Variants in ATRNL1 observed in about 807,000 individuals in gnomAD.
ATRNL1 encodes the protein attractin like 1, also known as attractin-like protein 1.
In ATRNL1, 95 loss-of-function variants were observed where a neutral mutation model predicts 182.7. The ratio of observed to expected loss-of-function variants is 0.52; its 90% CI spans 0.44 to 0.62. The LOEUF (loss-of-function observed/expected upper bound fraction) is 0.62, where lower values mean the gene tolerates loss of function less well. Among genes scored for constraint, ATRNL1 ranks in the 20% least tolerant of loss-of-function variants. ATRNL1 has a pLI of 0.00. For missense variants in ATRNL1, 1,471 were observed against 1,679.5 expected, an observed-to-expected ratio of 0.88 and a Z score of 2.17; for synonymous variants, 576 against 568.3, an observed-to-expected ratio of 1.01 and a Z score of -0.19.
intron 15 of ATRNL1, among the ~76,000 whole-genome samples, chr10:115,288,088 C>A (rs1175026728): frequency 2.0e-5 from 3 of 152,052 alleles, no homozygotes; most frequent in African/African-American, 4.8e-5. Flanking sequence ...AATATTATCC[C>A]CTTACTTATA....
At chr10:115,304,523 C>T (rs1853631444) in intron 17 of ATRNL1, among the ~76,000 whole-genome samples, 1 of 152,120 alleles carries the variant, frequency 6.6e-6, no homozygotes, top group Non-Finnish European at 1.5e-5. Flanking sequence ...GCAGAAGGTT[C>T]GCTCTTACAG....
At chr10:115,206,260 A>T (rs1848791730) in intron 8 of ATRNL1, among the ~76,000 whole-genome samples, 1 of 152,138 alleles carries the variant, frequency 6.6e-6, no homozygotes, top group South Asian at 2.1e-4. Flanking sequence ...TTTATTTTTC[A>T]ACAGTTTAAT....
chr10:115,686,694 T>G (rs1946228948), intron 26 of ATRNL1, among the ~76,000 whole-genome samples: 1 of 151,922 alleles, frequency 6.6e-6, no homozygotes, highest in South Asian at 2.1e-4. Context: ...TTTTAAGGAG[T>G]CATGTTTCAA....
chr10:115,484,159 C>A (rs782082961), intron 24 of ATRNL1, among the ~76,000 whole-genome samples: 4 of 149,762 alleles, frequency 2.7e-5, no homozygotes, highest in Admixed American at 6.7e-5. Flanking sequence ...AGATCTTTTT[C>A]ATATCTTTTA....
At chr10:115,442,305 G>C (rs703356) in intron 21 of ATRNL1, among the ~76,000 whole-genome samples, 13,380 of 51,214 alleles carry the variant, frequency 0.26, 669 homozygotes, top group African/African-American at 0.33. Flanking sequence ...CTCTCTCTCT[G>C]TGTGTATGTG....
At chr10:115,517,875 A>G (rs10885728) in intron 24 of ATRNL1, among the ~76,000 whole-genome samples, 107,603 of 151,586 alleles carry the variant, frequency 0.71, 39,399 homozygotes, top group African/African-American at 0.82. Context: ...AAGAAAATTC[A>G]TTCTTTTAAA....
intron 27 of ATRNL1, among the ~76,000 whole-genome samples, chr10:115,754,685 G>A (rs897978584): frequency 1.3e-5 from 2 of 152,172 alleles, no homozygotes; most frequent in Non-Finnish European, 2.9e-5. Context: ...CTTTAAAGTA[G>A]TGTTTTCCAA....
chr10:115,829,311 A>T (rs2134306161), intron 27 of ATRNL1, among the ~76,000 whole-genome samples: 1 of 152,288 alleles, frequency 6.6e-6, no homozygotes, highest in Middle Eastern at 3.4e-3. Context: ...GAAGACCAGT[A>T]GAGCAGACCA....
chr10:115,423,627 C>T (rs782801945), intron 20 of ATRNL1, among the ~76,000 whole-genome samples: 4 of 152,052 alleles, frequency 2.6e-5, no homozygotes, highest in Non-Finnish European at 4.4e-5. Context: ...AATAAATACA[C>T]GCATGTATAC....
intron 5 of ATRNL1, among the ~76,000 whole-genome samples, chr10:115,147,729 G>A (rs1207679520): frequency 1.3e-5 from 2 of 151,968 alleles, no homozygotes; most frequent in Non-Finnish European, 2.9e-5. Flanking sequence ...AAGAGACTGT[G>A]CTTTCTCCAA....
intron 4 of ATRNL1, among the ~76,000 whole-genome samples, chr10:115,128,782 G>A (rs571490260): frequency 9.5e-5 from 14 of 148,088 alleles, no homozygotes; most frequent in African/African-American, 2.8e-4. Flanking sequence ...AGCCGAGATC[G>A]CACCACTGCA....
At chr10:115,299,708 TAA>T (rs79687511) in intron 15 of ATRNL1, among the ~76,000 whole-genome samples, 40,863 of 151,884 alleles carry the variant, frequency 0.27, 6,583 homozygotes, top group East Asian at 0.67. Context: ...AACAATATGT[TAA>T]GTTTTTAAAT....
At chr10:115,455,316 C>A (rs1592682915) in intron 21 of ATRNL1, among the ~76,000 whole-genome samples, 1 of 151,980 alleles carries the variant, frequency 6.6e-6, no homozygotes, top group East Asian at 1.9e-4. Context: ...GAACAGAGGC[C>A]TCAGAAATAA....
intron 28 of ATRNL1, among the ~76,000 whole-genome samples, chr10:115,897,824 C>T (rs1455173541): frequency 6.6e-6 from 1 of 152,150 alleles, no homozygotes; most frequent in Non-Finnish European, 1.5e-5. Context: ...AAATTTGTTT[C>T]TTCTTTGTTT....
chr10:115,467,890 T>C (rs1848126600), intron 23 of ATRNL1, among the ~76,000 whole-genome samples: 2 of 150,782 alleles, frequency 1.3e-5, no homozygotes, highest in African/African-American at 2.4e-5. Flanking sequence ...ATTTTATTGG[T>C]ATCTATTTTC....
chr10:115,288,120 A>AT (rs1209559085), intron 15 of ATRNL1, among the ~76,000 whole-genome samples: 1 of 151,286 alleles, frequency 6.6e-6, no homozygotes, highest in Non-Finnish European at 1.5e-5. Flanking sequence ...TTGTTTATCT[A>AT]TTTTTTTCTT....
At chr10:115,267,763 G>A (rs184500542) in intron 12 of ATRNL1, among the ~76,000 whole-genome samples, 2 of 151,882 alleles carry the variant, frequency 1.3e-5, no homozygotes, top group East Asian at 3.9e-4. Context: ...TCTAAAATAC[G>A]TAAATTTATT....
intron 26 of ATRNL1, among the ~76,000 whole-genome samples, chr10:115,610,551 C>T (rs912640326): frequency 2.0e-5 from 3 of 152,054 alleles, no homozygotes; most frequent in Non-Finnish European, 4.4e-5. Context: ...TATGATTAAC[C>T]TTTAATAGAG....
chr10:115,250,431 G>C (rs2133841054), intron 10 of ATRNL1, among the ~76,000 whole-genome samples: 1 of 152,278 alleles, frequency 6.6e-6, no homozygotes, highest in African/African-American at 2.4e-5. Context: ...TTCCAACAGT[G>C]ACACTACCAA....
Sources: allele counts gnomAD v4.1 joint callset (sites outside exome capture counted in the v4.1 genomes callset), GRCh38; gene constraint gnomAD v4.1.1; transcripts MANE v1.5; gene names NCBI Gene and HGNC (gene_info 2026-07-23, HGNC 2026-07-21).